Variants in DYNLL1 observed in about 807,000 individuals in gnomAD.
DYNLL1 encodes dynein light chain 1, cytoplasmic.
A neutral mutation model predicts 10.1 loss-of-function variants in DYNLL1; 3 were observed. That is an observed-to-expected ratio of 0.30 (90% confidence interval 0.14 to 0.77). DYNLL1 has a LOEUF of 0.77. DYNLL1 is among the 30% of genes least tolerant of loss of function. DYNLL1 has a pLI of 0.66. For synonymous variants in DYNLL1, 46 were observed against 41.2 expected (o/e 1.12, Z -0.45); for missense variants, 47 against 111.7 (o/e 0.42, Z 2.61).
chr12:120,483,936 T>A (rs1239339675), intron 1 of DYNLL1, among the ~76,000 whole-genome samples: 1 of 151,928 alleles, frequency 6.6e-6, no homozygotes. Flanking sequence ...AACTGTGACA[T>A]GTATGGCCAT....
At chr12:120,469,892 C>G (rs1235529000) in exon 1 of DYNLL1, 1 of 227,882 alleles carries the variant, frequency 4.4e-6, no homozygotes, top group Non-Finnish European at 8.5e-6. Flanking sequence ...GGATGCCATC[C>G]CCGAGCGCGG....
chr12:120,496,535 T>C lies in DYNLL1; in HGVS notation c.114T>C (p.Ile38=). 1 of 1,613,776 alleles carries C rather than the reference T, an allele frequency of 6.2e-7. No homozygotes were observed. The highest frequency in any genetic ancestry group is 8.5e-7 in the Non-Finnish European group (1 of 1,179,932). Residue 38 remains isoleucine, a synonymous_variant, in exon 2 of 3, where the codon ATT becomes ATC. Transcript: ENST00000242577. ...ALEKYNIEKD[I]AAHIKKEFDK... ...AGAAATACAACATAGAGAAGGACAT[T>C]GCGGCTCATATCAAGAAGGTGAGGA... is the stretch of plus-strand genomic sequence containing the variant.
intron 1 of DYNLL1, among the ~76,000 whole-genome samples, chr12:120,484,740 C>CT (rs34764295): frequency 0.27 from 38,261 of 141,390 alleles, 6,133 homozygotes; most frequent in Admixed American, 0.39. Flanking sequence ...TATGCATGGA[C>CT]TTTTTTTTTT....
chr12:120,475,244 G>A (rs1878730348), intron 1 of DYNLL1, among the ~76,000 whole-genome samples: 3 of 152,146 alleles, frequency 2.0e-5, no homozygotes, highest in Non-Finnish European at 2.9e-5. Context: ...GGGAACACAA[G>A]GGCTTGATTT....
chr12:120,496,548 A>C lies in DYNLL1; in HGVS notation c.127A>C (p.Lys43Gln). The C allele has an allele frequency of 6.2e-7, 1 of 1,613,986 alleles. No individual in the cohort carries two copies. Among genetic ancestry groups the C allele is most frequent in the Non-Finnish European group, 8.5e-7 (1 of 1,179,992 alleles). The change falls in exon 2 of 3, where the codon AAG (lysine) becomes CAG (glutamine). Residue 43 changes from lysine to glutamine, a missense_variant. By Grantham distance (53) the Lys-to-Gln change is moderately conservative (BLOSUM62 1). Transcript: ENST00000242577. The stretch of plus-strand genomic sequence containing the variant: ...AGAGAAGGACATTGCGGCTCATATC[A>C]AGAAGGTGAGGATGGGCGCGGGGGC... Reference protein sequence around the residue: ...NIEKDIAAHIKKEFDKKYNPT... With the variant: ...NIEKDIAAHIQKEFDKKYNPT...
upstream of DYNLL1, chr12:120,495,873 T>C (rs746926305): frequency 1.0e-4 from 17 of 162,594 alleles, no homozygotes; most frequent in Non-Finnish European, 2.0e-4. Flanking sequence ...CTCCACCTTC[T>C]GGGTGTGTGG....
At chr12:120,479,468 A>AAATAATAATAAT (rs758249930) in intron 1 of DYNLL1, among the ~76,000 whole-genome samples, 2 of 109,580 alleles carry the variant, frequency 1.8e-5, no homozygotes, top group African/African-American at 6.9e-5. Context: ...AAAAAAAAAA[A>AAATAATAATAAT]AATAATAATA....
At chr12:120,496,384 C>G in intron 1 of DYNLL1, 32 bp from the exon 2 acceptor site, 2 of 1,613,012 alleles carry the variant, frequency 1.2e-6, no homozygotes, top group East Asian at 2.2e-5. Flanking sequence ...CGCGGCCCAA[C>G]TCAACCCCTT....
At chr12:120,479,449 CAAAA>C (rs71076617) in intron 1 of DYNLL1, among the ~76,000 whole-genome samples, 29 of 76,096 alleles carry the variant, frequency 3.8e-4, no homozygotes, top group Middle Eastern at 9.1e-3. Context: ...ACTCCGTCTC[CAAAA>C]AAAAAAAAAA....
intron 1 of DYNLL1, among the ~76,000 whole-genome samples, chr12:120,484,959 C>T (rs890622618): frequency 6.6e-5 from 10 of 152,202 alleles, no homozygotes; most frequent in South Asian, 2.1e-4. Flanking sequence ...AGGCTGGTCT[C>T]GAACTTCTGA....
chr12:120,495,783 G>A (rs1269711471), upstream of DYNLL1: 1 of 153,856 alleles, frequency 6.5e-6, no homozygotes, highest in Non-Finnish European at 1.4e-5. Flanking sequence ...CGTGAATTTG[G>A]AATCACTTCC....
rs534661910 is a variant in DYNLL1 at position 120,474,443 on chromosome 12, A to T, written c.-7+4339A>T. On this transcript the variant is annotated intron_variant, in intron 1 of 2. Transcript: ENST00000392509. ...AGTGCCCAACTGAAAAAAACAACAT[A>T]AAAAAAAAAAAAAATCCCAAAACCA... 8.7e-3 allele frequency among the ~76,000 whole-genome samples: 136 copies of T among 15,550 alleles called. 2 individuals are homozygous for T. The South Asian group carries it at 0.17, about 19-fold the overall frequency. 10.2% of individuals were successfully genotyped at this position (15,550 alleles called of 152,430 possible).
upstream of DYNLL1, among the ~76,000 whole-genome samples, chr12:120,493,102 A>G (rs1879174797): frequency 6.6e-6 from 1 of 152,036 alleles, no homozygotes; most frequent in Non-Finnish European, 1.5e-5. Flanking sequence ...GACACATATC[A>G]CTCATAGTGT....
chr12:120,496,127 T>TTCGGTAGCG lies in DYNLL1; in HGVS notation c.-95_-87dup, dbSNP rs1305789649. The stretch of plus-strand genomic sequence containing the variant: ...TGGGGCTGCTTAGATGCGCCACGGT[T>TTCGGTAGCG]TCGGTAGCGACGGTATCTCTAGCCG... On this transcript the variant is annotated 5_prime_UTR_variant, in exon 1 of 3. Coordinates refer to ENST00000242577, the MANE Select transcript of DYNLL1 (RefSeq NM_003746.3). The TTCGGTAGCG allele has an allele frequency of 3.0e-5, 15 of 498,012 alleles. No individual in the cohort carries two copies. The highest frequency in any genetic ancestry group is 5.1e-5 in the Non-Finnish European group (14 of 276,776). 30.8% of individuals were successfully genotyped at this position (498,012 alleles called of 1,614,324 possible).
In DYNLL1 at chr12:120,496,215, C is replaced by T; in HGVS notation, c.-8C>T. On this transcript the variant is annotated splice_region_variant and 5_prime_UTR_variant, in exon 1 of 3. The change creates a new upstream start codon in the 5' untranslated region. Transcript: ENST00000242577. The stretch of plus-strand genomic sequence containing the variant: ...TGCAGTCGGCCAGCCCCCTTCTCCA[C>T]GGTGAGAAACTCGGGGGGCCAGGGG... 1.4e-6 allele frequency: 1 copy of T among 721,460 alleles called. No homozygotes were observed. The highest frequency in any genetic ancestry group is 1.8e-5 in the African/African-American group (1 of 56,092). The allele number at this position is 721,460 out of a possible 1,614,324, so 44.7% of individuals were successfully genotyped here.
chr12:120,476,675 G>A (rs1160581528), intron 1 of DYNLL1, among the ~76,000 whole-genome samples: 2 of 152,096 alleles, frequency 1.3e-5, no homozygotes, highest in South Asian at 2.1e-4. Context: ...GCAGTGGTGC[G>A]ATCTCGGCTC....
intron 1 of DYNLL1, among the ~76,000 whole-genome samples, chr12:120,485,412 C>T (rs946330096): frequency 6.6e-6 from 1 of 152,088 alleles, no homozygotes; most frequent in South Asian, 2.1e-4. Context: ...CCCACCACCA[C>T]ACCCAGCCAA....
chr12:120,496,751 T>G lies in DYNLL1; in HGVS notation c.132+198T>G. 1.2e-5 allele frequency: 9 copies of G among 780,802 alleles called. No individual in the cohort carries two copies. In the South Asian group the frequency reaches 1.3e-4, roughly 11 times the overall value. 48.4% of individuals were successfully genotyped at this position (780,802 alleles called of 1,614,324 possible). On this transcript the variant is annotated intron_variant, in intron 2 of 2. Transcript: ENST00000242577. The stretch of plus-strand genomic sequence containing the variant: ...CCCCCGGCGTCCGAAGTTTTTTTTT[T>G]TTTTTTTTTAATTACCCAGCTCCGC...
intron 1 of DYNLL1, among the ~76,000 whole-genome samples, chr12:120,485,839 TAA>T (rs749971979): frequency 1.2e-4 from 9 of 76,248 alleles, no homozygotes; most frequent in Admixed American, 3.4e-4. Context: ...AGTCCCTGTC[TAA>T]AAAAAAAAAA....
Sources: gnomAD v4.1 joint callset for allele counts (sites outside exome capture counted in the v4.1 genomes callset) on GRCh38, gnomAD v4.1.1 for gene constraint, MANE v1.5 for transcripts, NCBI Gene and HGNC (gene_info 2026-07-23, HGNC 2026-07-21) for gene names.